Variants in TRAIP observed in about 807,000 individuals in gnomAD.
TRAIP encodes the protein E3 ubiquitin-protein ligase TRAIP.
Under a neutral mutation model 65.0 loss-of-function variants are expected in TRAIP, and 37 were observed. The observed-to-expected ratio is 0.57, with a 90% CI of 0.44 to 0.75. The LOEUF is 0.75. Among genes scored for constraint, TRAIP ranks in the 30% least tolerant of loss-of-function variants. The probability of loss-of-function intolerance (pLI) is 0.00; values close to 1 mark genes in which losing one functional copy is unlikely to be tolerated. For synonymous variants in TRAIP, 187 were observed against 219.1 expected, an observed-to-expected ratio of 0.85 and a Z score of 1.29; for missense variants, 481 against 579.4, an observed-to-expected ratio of 0.83 and a Z score of 1.74.
At chr3:49,836,423 G>A (rs1320443048) in intron 10 of TRAIP, among the ~76,000 whole-genome samples, 1 of 152,042 alleles carries the variant, frequency 6.6e-6, no homozygotes, top group African/African-American at 2.4e-5. Flanking sequence ...ACCGGGAAGC[G>A]GAGGTTGCAG....
At chr3:49,829,326 C>T in intron 14 of TRAIP, 101 bp from the exon 15 acceptor site, 8 of 1,611,018 alleles carry the variant, frequency 5.0e-6, no homozygotes, top group African/African-American at 1.3e-5. Context: ...CGGGGGTGGG[C>T]GGCGCTGATA....
intron 8 of TRAIP, 130 bp downstream of exon 8, chr3:49,840,855 C>G (rs2081833167): frequency 1.2e-6 from 1 of 830,796 alleles, no homozygotes; most frequent in Non-Finnish European, 2.0e-6. Context: ...TAACAAATTT[C>G]TGTAAGTCCT....
intron 1 of TRAIP, among the ~76,000 whole-genome samples, chr3:49,853,066 G>C (rs1321951364): frequency 6.6e-6 from 1 of 151,124 alleles, no homozygotes; most frequent in Non-Finnish European, 1.5e-5. Flanking sequence ...AGGTTGCAGT[G>C]AGTTGAGATT....
At chr3:49,830,338 C>T (rs151051255) in intron 11 of TRAIP, among the ~76,000 whole-genome samples, 34 of 152,320 alleles carry the variant, frequency 2.2e-4, no homozygotes, top group South Asian at 1.7e-3. Context: ...CAAATTCCAA[C>T]GCTCCTCAAG....
rs779025566 is a variant in TRAIP at position 49,841,837 on chromosome 3, C to G, written c.606G>C (p.Val202=). 2.5e-6 allele frequency: 4 copies of G among 1,613,974 alleles called. No individual in the cohort carries two copies. Among genetic ancestry groups the G allele is most frequent in the Non-Finnish European group, 3.4e-6 (4 of 1,179,914 alleles). ...GCCACAGTACGCACTTCTTGAGAGA[C>G]ACACAGTACACAGCCAGCTGTTCCA... ...SAVEQLAVYC[V]SLKKEYENLK... is the part of the protein sequence containing the mutation. Residue 202 remains valine (V), a synonymous_variant, in exon 7 of 15, where the codon GTG becomes GTC. Transcript: ENST00000331456.
chr3:49,855,105 C>T (rs962558604), intron 1 of TRAIP, among the ~76,000 whole-genome samples: 1 of 151,976 alleles, frequency 6.6e-6, no homozygotes, highest in Non-Finnish European at 1.5e-5. Flanking sequence ...AGCTAAAGTA[C>T]TTTTTAATAT....
chr3:49,856,373 G>A lies in TRAIP; in HGVS notation c.81C>T (p.His27=), dbSNP rs374570007. The A allele has an allele frequency of 1.2e-6, 2 of 1,614,034 alleles. No homozygotes were observed. The highest frequency in any genetic ancestry group is 1.7e-5 in the Admixed American group (1 of 60,022). Residue 27 remains histidine, a synonymous_variant, in exon 1 of 15, where the codon CAC becomes CAT. Coordinates refer to ENST00000331456, the MANE Select transcript of TRAIP (RefSeq NM_005879.3). ...SRDVAAIHCG[H]TFHLQCLIQW... ...TCACTCACCACTGCAAGTGGAAGGT[G>A]TGGCCGCAGTGGATGGCGGCCACGT...
chr3:49,834,772 G>T (rs2081766289), intron 10 of TRAIP, among the ~76,000 whole-genome samples: 1 of 152,218 alleles, frequency 6.6e-6, no homozygotes, highest in East Asian at 1.9e-4. Flanking sequence ...AGGTATGGGA[G>T]GGGAGCCCAG....
At chr3:49,848,093 C>G (rs751946991) in intron 2 of TRAIP, 50 bp downstream of exon 2, 54 of 1,601,640 alleles carry the variant, frequency 3.4e-5, no homozygotes, top group Non-Finnish European at 8.6e-7. Context: ...TTCCTGCTCT[C>G]TGCTAAGGAG....
chr3:49,836,882 A>G (rs1052188410), intron 10 of TRAIP, among the ~76,000 whole-genome samples: 8 of 151,948 alleles, frequency 5.3e-5, no homozygotes, highest in Non-Finnish European at 1.0e-4. Flanking sequence ...GATGGTTTCA[A>G]CCAGATCAAC....
At chr3:49,834,944 G>A (rs1371463372) in intron 10 of TRAIP, among the ~76,000 whole-genome samples, 3 of 152,264 alleles carry the variant, frequency 2.0e-5, no homozygotes, top group African/African-American at 4.8e-5. Flanking sequence ...GCTCACGCCT[G>A]TAATACCAAC....
At chr3:49,844,676 A>G in intron 3 of TRAIP, 96 bp from the exon 4 acceptor site, 2 of 1,418,670 alleles carry the variant, frequency 1.4e-6, no homozygotes, top group South Asian at 2.4e-5. Flanking sequence ...GGATTGAACA[A>G]TGAGGCCTTC....
chr3:49,829,632 A>G lies in TRAIP; in HGVS notation c.1221T>C (p.Ser407=). ...KQPKRPRSES[S]CSKDVVRTGF... ...CCACACTCACCACATCTTTGCTGCAAGAGGACTCTGACCTGGGCCTCTTGG... is the reference window on the plus strand; with the variant it reads ...CCACACTCACCACATCTTTGCTGCAGGAGGACTCTGACCTGGGCCTCTTGG... The change falls in exon 13 of 15, where the codon TCT becomes TCC. Residue 407 remains serine, a synonymous_variant. Coordinates refer to ENST00000331456, the MANE Select transcript of TRAIP (RefSeq NM_005879.3). 1 of 1,614,176 alleles carries G rather than the reference A, an allele frequency of 6.2e-7. No homozygotes were observed. Among genetic ancestry groups the G allele is most frequent in the Non-Finnish European group, 8.5e-7 (1 of 1,180,010 alleles).
At chr3:49,843,740 AGTCC>A (rs749606048) in intron 5 of TRAIP, 57 bp downstream of exon 5, 1 of 1,574,834 alleles carries the variant, frequency 6.3e-7, no homozygotes, top group East Asian at 2.3e-5. Context: ...CAGAATGGGG[AGTCC>A]AGTTCTGGGG....
In TRAIP at chr3:49,840,294, T is replaced by G; in HGVS notation, c.785A>C (p.Lys262Thr). The stretch of plus-strand genomic sequence containing the variant: ...AGGGATGTCCCTCACCATGATTTCC[T>G]TGTCAGCACTCTGTAAGTCCTTCTG... ...SAQKDLQSAD[K>T]EIMSLKKKLT... Residue 262 changes from lysine to threonine, a missense_variant, in exon 9 of 15, where the codon AAG becomes ACG. Lys to Thr is a moderately conservative substitution (Grantham distance 78). Coordinates refer to ENST00000331456, the MANE Select transcript of TRAIP (RefSeq NM_005879.3). 2 of 1,614,012 alleles carry G rather than the reference T, an allele frequency of 1.2e-6. No homozygotes were observed. Among genetic ancestry groups the G allele is most frequent in the South Asian group, 2.2e-5 (2 of 91,082 alleles).
rs1460053286 is a variant in TRAIP at position 49,831,901 on chromosome 3, G to C, written c.1037+15C>G. 6.5e-7 allele frequency: 1 copy of C among 1,545,282 alleles called. No homozygotes were observed. The highest frequency in any genetic ancestry group is 8.8e-7 in the Non-Finnish European group (1 of 1,142,400). ...CCCTACCAGCCCATGGACAGTGCCA[G>C]CGACTATCACTCACTGTGACTTCTC... is the stretch of plus-strand genomic sequence containing the variant. On this transcript the variant is annotated intron_variant, in intron 11 of 14. Coordinates refer to ENST00000331456, the MANE Select transcript of TRAIP (RefSeq NM_005879.3).
chr3:49,853,176 A>G (rs1048584390), intron 1 of TRAIP, among the ~76,000 whole-genome samples: 2 of 152,158 alleles, frequency 1.3e-5, no homozygotes, highest in Non-Finnish European at 2.9e-5. Context: ...TGGATACACT[A>G]TACCAAAACT....
At chr3:49,841,258 C>T (rs1047862953) in intron 7 of TRAIP, among the ~76,000 whole-genome samples, 186 bp from the exon 8 acceptor site, 10 of 152,198 alleles carry the variant, frequency 6.6e-5, no homozygotes, top group East Asian at 5.8e-4. Context: ...AAGGAAGTGA[C>T]TATTTCCTCC....
intron 1 of TRAIP, 110 bp from the exon 2 acceptor site, chr3:49,848,310 A>G (rs1217514443): frequency 1.7e-6 from 2 of 1,148,910 alleles, no homozygotes; most frequent in East Asian, 2.6e-5. Context: ...CCTTGACCCA[A>G]TGCCTGCCCA....
Sources: allele counts gnomAD v4.1 joint callset (sites outside exome capture counted in the v4.1 genomes callset), GRCh38; gene constraint gnomAD v4.1.1; transcripts MANE v1.5; gene names NCBI Gene and HGNC (gene_info 2026-07-23, HGNC 2026-07-21).